RBMS1: variants seen among roughly 807,000 people sequenced by gnomAD.
RBMS1 encodes the protein RNA binding motif single stranded interacting protein 1, also known as RNA-binding motif, single-stranded-interacting protein 1.
A neutral mutation model predicts 62.3 loss-of-function variants in RBMS1; 17 were observed. The observed-to-expected ratio is 0.27, with a 90% CI of 0.19 to 0.41. The LOEUF (loss-of-function observed/expected upper bound fraction) is 0.41. Among genes scored for constraint, RBMS1 ranks in the 10% least tolerant of loss-of-function variants. The pLI is 1.00. For missense variants in RBMS1, 334 were observed against 504.5 expected (o/e 0.66, Z 3.24); for synonymous variants, 172 against 170.0 (o/e 1.01, Z -0.09).
rs1559621378 is a variant in RBMS1, at chr2:160,493,521, GTCCTCCTCCTCCTCCTCCTCTTCCTCC to G, written c.-185_-159del. On this transcript the variant is annotated 5_prime_UTR_variant, in exon 1 of 14. Coordinates refer to ENST00000348849, the MANE Select transcript of RBMS1 (RefSeq NM_016836.4). ...CTCCACCTCCCAGCCGGGACCAGAC[GTCCTCCTCCTCCTCCTCCTCTTCCTCC>G]TCCTCCTCCTCCTCCTCCTCCTCTT... 2.7e-3 allele frequency: 1,654 copies of G among 621,594 alleles called. 17 individuals carry two copies. Among genetic ancestry groups the G allele is most frequent in the African/African-American group, 0.025 (1,303 of 51,618 alleles). The allele number at this position is 621,594 out of a possible 1,614,324, so 38.5% of individuals were successfully genotyped here.
intron 2 of RBMS1, among the ~76,000 whole-genome samples, chr2:160,352,141 T>C (rs1040594849): frequency 6.6e-6 from 1 of 152,108 alleles, no homozygotes; most frequent in Non-Finnish European, 1.5e-5. Context: ...GAGTATTCAT[T>C]AGAGTAAAAC....
At chr2:160,286,928 A>ACC in intron 7 of RBMS1, 41 bp downstream of exon 7, 1 of 1,607,638 alleles carries the variant, frequency 6.2e-7, no homozygotes, top group Admixed American at 1.7e-5. Flanking sequence ...TCAAGATCAC[A>ACC]CCCCCTCCCC....
chr2:160,439,001 C>A (rs1221204891), intron 1 of RBMS1, among the ~76,000 whole-genome samples: 1 of 146,426 alleles, frequency 6.8e-6, no homozygotes, highest in African/African-American at 2.6e-5. Context: ...GACGGGGCGG[C>A]TGGCCAGGCG....
chr2:160,386,958 G>A (rs910110599), intron 1 of RBMS1, among the ~76,000 whole-genome samples: 1 of 152,136 alleles, frequency 6.6e-6, no homozygotes, highest in Non-Finnish European at 1.5e-5. Flanking sequence ...CCAGTGTGCC[G>A]CTTTCTGGAA....
At position 160,373,746 on chromosome 2, in the gene RBMS1, T is replaced by C. The variant is rs537812791; in HGVS notation, c.76-6355A>G. 2.0e-5 allele frequency among the ~76,000 whole-genome samples: 3 copies of C among 152,322 alleles called. No homozygotes were observed. The South Asian group carries it at 6.2e-4, about 32-fold the overall frequency. On this transcript the variant is annotated intron_variant, in intron 1 of 13. Coordinates refer to ENST00000348849, the MANE Select transcript of RBMS1 (RefSeq NM_016836.4). ...GGACTAAGGCAATGATTTCAAAATT[T>C]CCTTGCCAGAGAATGCATTCATCAG...
intron 2 of RBMS1, among the ~76,000 whole-genome samples, chr2:160,336,204 T>G (rs1447602335): frequency 6.6e-6 from 1 of 152,180 alleles, no homozygotes; most frequent in East Asian, 1.9e-4. Flanking sequence ...ATACCCAGAG[T>G]GCAGTTTGGC....
chr2:160,449,807 C>T (rs574124121), intron 1 of RBMS1, among the ~76,000 whole-genome samples: 1 of 147,726 alleles, frequency 6.8e-6, no homozygotes, highest in South Asian at 2.2e-4. Flanking sequence ...CTGAGAAACA[C>T]CCAAGAACGA....
Position 160,285,063 on chromosome 2 carries a change from A to C in RBMS1, c.757-19T>G, listed in dbSNP as rs758994718. On this transcript the variant is annotated intron_variant, in intron 7 of 13. Transcript: ENST00000348849. ...TTCCAGCCTATGGGAAAGAGAAAGA[A>C]ATATAAACATTCATCTAGAAAGGCA... 6.9e-6 allele frequency: 11 copies of C among 1,604,610 alleles called. No individual in the cohort carries two copies. Among genetic ancestry groups the C allele is most frequent in the Non-Finnish European group, 8.5e-6 (10 of 1,171,420 alleles).
chr2:160,487,591 C>A (rs998323012), intron 1 of RBMS1, among the ~76,000 whole-genome samples: 1 of 152,206 alleles, frequency 6.6e-6, no homozygotes, highest in Non-Finnish European at 1.5e-5. Flanking sequence ...CAGCTTAAAT[C>A]TTTACCTAAT....
At chr2:160,304,490 T>A (rs1689388026) in intron 4 of RBMS1, among the ~76,000 whole-genome samples, 1 of 152,196 alleles carries the variant, frequency 6.6e-6, no homozygotes, top group South Asian at 2.1e-4. Context: ...TCTTGTGATA[T>A]TACGCACATG....
chr2:160,302,948 CT>C (rs1320292141), intron 5 of RBMS1: 1 of 164,488 alleles, frequency 6.1e-6, no homozygotes, highest in Non-Finnish European at 1.3e-5. Context: ...AACTCATTTA[CT>C]TTATTGATGA....
At chr2:160,478,884 G>C (rs141258940) in intron 1 of RBMS1, among the ~76,000 whole-genome samples, 13 of 152,332 alleles carry the variant, frequency 8.5e-5, no homozygotes, top group African/African-American at 2.9e-4. Context: ...ATTGTATGAT[G>C]ATTCCTGAAG....
At chr2:160,284,960 C>G (rs202103704) in intron 8 of RBMS1, 35 bp downstream of exon 8, 3 of 1,598,802 alleles carry the variant, frequency 1.9e-6, no homozygotes, top group Non-Finnish European at 2.6e-6. Context: ...TCACATTTTC[C>G]CTCAAGCCAT....
chr2:160,356,088 C>T (rs1414362344), intron 2 of RBMS1, among the ~76,000 whole-genome samples: 2 of 152,060 alleles, frequency 1.3e-5, no homozygotes, highest in African/African-American at 4.8e-5. Context: ...ACAGTGACCC[C>T]TAAAAAATTG....
At chr2:160,353,448 G>A (rs1010699264) in intron 2 of RBMS1, among the ~76,000 whole-genome samples, 2 of 152,222 alleles carry the variant, frequency 1.3e-5, no homozygotes, top group African/African-American at 4.8e-5. Context: ...TGTCTGCCAA[G>A]TTGGGAAGCT....
At chr2:160,303,886 A>AC (rs1433408942) in intron 4 of RBMS1, among the ~76,000 whole-genome samples, 1 of 152,224 alleles carries the variant, frequency 6.6e-6, no homozygotes, top group Middle Eastern at 3.2e-3. Context: ...AATTCAACTT[A>AC]GAGATACATG....
chr2:160,303,193 C>T, intron 5 of RBMS1, 137 bp downstream of exon 5: 1 of 804,584 alleles, frequency 1.2e-6, no homozygotes, highest in Non-Finnish European at 1.9e-6. Context: ...CTGGTATTTA[C>T]ACATAATTTA....
intron 2 of RBMS1, among the ~76,000 whole-genome samples, chr2:160,343,892 T>A (rs1692030318): frequency 6.6e-6 from 1 of 152,180 alleles, no homozygotes; most frequent in Non-Finnish European, 1.5e-5. Context: ...CTGAATTTAC[T>A]GAATGAAATT....
intron 2 of RBMS1, among the ~76,000 whole-genome samples, chr2:160,324,318 G>A (rs1690763058): frequency 6.6e-6 from 1 of 152,194 alleles, no homozygotes; most frequent in Admixed American, 6.5e-5. Context: ...CTTTTGAAGA[G>A]TCCAGGTTAT....
Sources: gnomAD v4.1 joint callset for allele counts (sites outside exome capture counted in the v4.1 genomes callset) on GRCh38, gnomAD v4.1.1 for gene constraint, MANE v1.5 for transcripts, NCBI Gene and HGNC (gene_info 2026-07-23, HGNC 2026-07-21) for gene names.